NAV3: variants seen among roughly 807,000 people sequenced by gnomAD.
NAV3 encodes the protein pore membrane and/or filament interacting like protein 1.
Under a neutral mutation model 244.7 loss-of-function variants are expected in NAV3, and 87 were observed. That is an observed-to-expected ratio of 0.36 (90% CI 0.30 to 0.42). The LOEUF is 0.42. Ranked by LOEUF, NAV3 falls within the 20% of genes least tolerant of loss-of-function variation. The pLI is 1.00. For missense variants in NAV3, 2,663 were observed against 2,893.3 expected (o/e 0.92, Z 1.83); for synonymous variants, 1,126 against 1,042.2 (o/e 1.08, Z -1.55).
At chr12:77,981,701 A>C (rs1395582938) in intron 5 of NAV3, among the ~76,000 whole-genome samples, 1 of 151,872 alleles carries the variant, frequency 6.6e-6, no homozygotes, top group African/African-American at 2.4e-5. Context: ...ATTATAGAAG[A>C]AAAAATTGGG....
chr12:77,575,829 A>G (rs1271707522), intron 2 of NAV3, among the ~76,000 whole-genome samples: 1 of 152,164 alleles, frequency 6.6e-6, no homozygotes, highest in East Asian at 1.9e-4. Flanking sequence ...TTTACTAGGT[A>G]GTGATAAAAA....
intron 1 of NAV3, among the ~76,000 whole-genome samples, chr12:77,932,150 A>G (rs1049715342): frequency 6.6e-6 from 1 of 152,048 alleles, no homozygotes; most frequent in Non-Finnish European, 1.5e-5. Context: ...AGCAAAAATC[A>G]GTTGCTGGGG....
chr12:77,912,765 G>T (rs1056258663), intron 1 of NAV3, among the ~76,000 whole-genome samples: 1 of 151,830 alleles, frequency 6.6e-6, no homozygotes, highest in African/African-American at 2.4e-5. Context: ...CAAGTAGCTG[G>T]GATTACAAAA....
At chr12:78,187,386 T>A (rs1487969001) in intron 31 of NAV3, among the ~76,000 whole-genome samples, 2 of 151,878 alleles carry the variant, frequency 1.3e-5, no homozygotes, top group Admixed American at 6.6e-5. Flanking sequence ...GATAACATAC[T>A]TGGTGACTAG....
intron 2 of NAV3, among the ~76,000 whole-genome samples, chr12:77,618,703 T>G (rs916249407): frequency 3.9e-5 from 6 of 152,202 alleles, no homozygotes; most frequent in Non-Finnish European, 5.9e-5. Context: ...CCTTGAATAT[T>G]ACTTTTATGT....
At chr12:77,983,369 A>C (rs1434181648) in intron 5 of NAV3, among the ~76,000 whole-genome samples, 1 of 152,156 alleles carries the variant, frequency 6.6e-6, no homozygotes, top group Non-Finnish European at 1.5e-5. Context: ...AGGGTAAAAG[A>C]CAATCATCAC....
At chr12:77,578,074 G>T (rs1869176715) in intron 2 of NAV3, among the ~76,000 whole-genome samples, 1 of 152,146 alleles carries the variant, frequency 6.6e-6, no homozygotes. Flanking sequence ...CCGATTTAAA[G>T]ATATGTTACA....
intron 12 of NAV3, among the ~76,000 whole-genome samples, chr12:78,086,949 A>G (rs1953668910): frequency 6.6e-6 from 1 of 152,040 alleles, no homozygotes; most frequent in South Asian, 2.1e-4. Context: ...TTAACTGCCT[A>G]TGAAGTCTTT....
chr12:77,766,895 C>T (rs149644012), intron 2 of NAV3, among the ~76,000 whole-genome samples: 191 of 151,718 alleles, frequency 1.3e-3, no homozygotes, highest in African/African-American at 4.3e-3. Flanking sequence ...GCTGGGATTA[C>T]GGGCACCCAC....
chr12:77,579,996 G>C (rs1349412100), intron 2 of NAV3, among the ~76,000 whole-genome samples: 3 of 152,088 alleles, frequency 2.0e-5, no homozygotes, highest in African/African-American at 7.2e-5. Flanking sequence ...TAAGGAGTTG[G>C]TTGTGTTCTG....
At chr12:78,016,311 CTTA>C (rs1034356271) in intron 8 of NAV3, among the ~76,000 whole-genome samples, 7 of 152,028 alleles carry the variant, frequency 4.6e-5, no homozygotes, top group Middle Eastern at 6.8e-3. Flanking sequence ...ATATATATGC[CTTA>C]TTATAATTCA....
At position 78,118,160 on chromosome 12, in the gene NAV3, T is replaced by C; in HGVS notation, c.2903T>C (p.Leu968Pro). The C allele has an allele frequency of 6.2e-7, 1 of 1,614,012 alleles. No individual in the cohort carries two copies. Among genetic ancestry groups the C allele is most frequent in the Non-Finnish European group, 8.5e-7 (1 of 1,179,988 alleles). The part of the protein sequence containing the change: ...GGKWKTVSSG[L>P]PEDPEKAGQK... Reference sequence around the variant, plus strand: ...AAGTGGAAGACTGTGTCCTCTGGACTTCCTGAAGACCCCGAGAAGGCAGGG... The same window carrying C: ...AAGTGGAAGACTGTGTCCTCTGGACCTCCTGAAGACCCCGAGAAGGCAGGG... The change falls in exon 14 of 40, where the codon CTT (leucine) becomes CCT (proline). Residue 968 changes from leucine (L) to proline (P), a missense_variant. Leu to Pro is a moderately conservative substitution (Grantham distance 98). Coordinates refer to ENST00000397909, the MANE Select transcript of NAV3 (RefSeq NM_001024383.2).
At chr12:77,879,195 CA>C (rs1320656210) in intron 1 of NAV3, among the ~76,000 whole-genome samples, 1 of 152,166 alleles carries the variant, frequency 6.6e-6, no homozygotes, top group Non-Finnish European at 1.5e-5. Context: ...TTCCCAGGCT[CA>C]AAAATGTCTC....
At chr12:77,769,661 A>G (rs1013991202) in intron 2 of NAV3, among the ~76,000 whole-genome samples, 3 of 152,208 alleles carry the variant, frequency 2.0e-5, no homozygotes, top group Admixed American at 2.0e-4. Context: ...AATTATCTCA[A>G]GTGGATTACT....
At chr12:77,940,544 A>T in intron 2 of NAV3, 108 bp downstream of exon 2, 1 of 770,890 alleles carries the variant, frequency 1.3e-6, no homozygotes, top group Non-Finnish European at 2.2e-6. Flanking sequence ...TGTCTCTGAG[A>T]TTCATGTAGC....
chr12:78,172,753 A>G (rs1242772008), intron 24 of NAV3, among the ~76,000 whole-genome samples: 1 of 151,612 alleles, frequency 6.6e-6, no homozygotes, highest in Non-Finnish European at 1.5e-5. Context: ...TACTAAGCAA[A>G]CATGTAATAA....
At chr12:77,785,267 A>C (rs1010605396) in intron 2 of NAV3, among the ~76,000 whole-genome samples, 3 of 151,764 alleles carry the variant, frequency 2.0e-5, no homozygotes, top group Non-Finnish European at 4.4e-5. Context: ...AGCCTCTGAG[A>C]CTCTGGACTC....
At chr12:77,742,819 G>A (rs1555200550) in intron 2 of NAV3, among the ~76,000 whole-genome samples, 2 of 151,956 alleles carry the variant, frequency 1.3e-5, no homozygotes, top group Non-Finnish European at 2.9e-5. Flanking sequence ...GCAAGTATTT[G>A]CTTAAAACAT....
At chr12:77,720,313 A>C (rs1876555421) in intron 2 of NAV3, among the ~76,000 whole-genome samples, 1 of 152,152 alleles carries the variant, frequency 6.6e-6, no homozygotes, top group Non-Finnish European at 1.5e-5. Context: ...GGCTGTTCAC[A>C]GAGGAAGGCC....
Sources: gnomAD v4.1 joint callset for allele counts (sites outside exome capture counted in the v4.1 genomes callset) on GRCh38, gnomAD v4.1.1 for gene constraint, MANE v1.5 for transcripts, NCBI Gene and HGNC (gene_info 2026-07-23, HGNC 2026-07-21) for gene names.